ALG10B: variants seen among roughly 807,000 people sequenced by gnomAD.
ALG10B encodes ALG10 alpha-1,2-glucosyltransferase B, also known as dol-P-Glc:Glc(2)Man(9)GlcNAc(2)-PP-Dol alpha-1,2-glucosyltransferase B.
In ALG10B, 27 loss-of-function variants were observed where a neutral mutation model predicts 38.7. The ratio of observed to expected loss-of-function variants is 0.70; its 90% CI spans 0.51 to 0.96. The LOEUF (loss-of-function observed/expected upper bound fraction) is 0.96, where lower values mean the gene tolerates loss of function less well. ALG10B is among the 40% of genes least tolerant of loss of function. The pLI, the probability that ALG10B is intolerant of heterozygous loss-of-function variation, is 0.00. For missense variants in ALG10B, 522 were observed against 542.7 expected (o/e 0.96, Z 0.38); for synonymous variants, 177 against 193.3 (o/e 0.92, Z 0.70).
rs1214042455 is a variant in ALG10B at position 38,327,214 on chromosome 12, C to G, written c.*6001C>G. 4.0e-5 allele frequency: 6 copies of G among 151,024 alleles called. No individual in the cohort carries two copies. The highest frequency in any genetic ancestry group is 3.3e-4 in the Admixed American group (5 of 15,186). 9.4% of individuals were successfully genotyped at this position (151,024 alleles called of 1,614,324 possible). On this transcript the variant is annotated 3_prime_UTR_variant, in exon 3 of 3. Transcript: ENST00000308742. ...GCCTCAAGTGATCCTCCCACCTTGG[C>G]CTCCCAAAGTGCTAGGATTTACAAT...
Position 38,316,827 on chromosome 12 carries a change from C to A in ALG10B, c.-67C>A. 6.2e-7 allele frequency: 1 copy of A among 1,613,008 alleles called. No homozygotes were observed. Among genetic ancestry groups the A allele is most frequent in the Admixed American group, 1.7e-5 (1 of 60,016 alleles). On this transcript the variant is annotated 5_prime_UTR_variant, in exon 1 of 3. Transcript: ENST00000308742. ...CGCGCCCATTTCGAGCCCAAGTTTCCAGCTCGGGTTTCCGGGCTCAGAATT... is the reference window on the plus strand; with the variant it reads ...CGCGCCCATTTCGAGCCCAAGTTTCAAGCTCGGGTTTCCGGGCTCAGAATT...
rs775178812 is a variant in ALG10B, at chr12:38,320,911, G to T, written c.1120G>T (p.Val374Phe). ...ATATGCAATTCTGAAATATTTGTTA[G>T]TTCCAGCCTATATATTTGCTGGTTG... is the stretch of plus-strand genomic sequence containing the variant. ...QRYAILKYLL[V>F]PAYIFAGWSI... The change falls in exon 3 of 3, where the codon GTT (valine) becomes TTT (phenylalanine). Residue 374 changes from valine (V) to phenylalanine (F), a missense_variant. By Grantham distance (50) the Val-to-Phe change is conservative. Coordinates refer to ENST00000308742, the MANE Select transcript of ALG10B (RefSeq NM_001013620.4). 5 of 1,613,638 alleles carry T rather than the reference G, an allele frequency of 3.1e-6. No homozygotes were observed. The highest frequency in any genetic ancestry group is 4.2e-6 in the Non-Finnish European group (5 of 1,179,864).
Position 38,323,760 on chromosome 12 carries a change from G to C in ALG10B, c.*2547G>C, listed in dbSNP as rs894485815. 1.6e-6 allele frequency: 1 copy of C among 615,250 alleles called. No individual in the cohort carries two copies. The highest frequency in any genetic ancestry group is 1.8e-5 in the African/African-American group (1 of 54,124). The allele number at this position is 615,250 out of a possible 1,614,324, so 38.1% of individuals were successfully genotyped here. A position where few individuals can be genotyped will look rare whatever the true frequency, so the allele number is the denominator to read the frequency against. ...TTTTACCCAGACTTCTTAAAAATTAGATGAGAGAGGACACTCAAAGAAATT... is the reference window on the plus strand; with the variant it reads ...TTTTACCCAGACTTCTTAAAAATTACATGAGAGAGGACACTCAAAGAAATT... On this transcript the variant is annotated 3_prime_UTR_variant, in exon 3 of 3. Coordinates refer to ENST00000308742, the MANE Select transcript of ALG10B (RefSeq NM_001013620.4).
rs1297001069 is a variant in ALG10B, at chr12:38,318,435, C to T, written c.346C>T (p.His116Tyr). 1.9e-6 allele frequency: 3 copies of T among 1,613,946 alleles called. No individual in the cohort carries two copies. The highest frequency in any genetic ancestry group is 2.2e-5 in the East Asian group (1 of 44,882). ...GNFYLLYLLF[H>Y]KVQPRNKAAS... is the part of the protein sequence containing the mutation. ...CTTCTATTTACTATATTTGCTTTTC[C>T]ACAAGGTACAACCCAGAAACAAGGT... Residue 116 changes from histidine (H) to tyrosine (Y), a missense_variant, in exon 2 of 3, where the codon CAC becomes TAC. Physicochemically the swap from His to Tyr is moderately conservative, Grantham distance 83. Coordinates refer to ENST00000308742, the MANE Select transcript of ALG10B (RefSeq NM_001013620.4).
intron 1 of ALG10B, chr12:38,317,401 T>C (rs2387843): frequency 0.59 from 191,551 of 324,016 alleles, 59,040 homozygotes; most frequent in East Asian, 0.85. Context: ...CTTGGAAATA[T>C]CAGAAAACTT....
rs6582584 is a variant in ALG10B, at chr12:38,318,340, C to G, written c.251C>G (p.Ala84Gly). Residue 84 changes from alanine (A) to glycine (G), a missense_variant, in exon 2 of 3, where the codon GCA becomes GGA. By Grantham distance (60) the Ala-to-Gly change is moderately conservative (BLOSUM62 0). Coordinates refer to ENST00000308742, the MANE Select transcript of ALG10B (RefSeq NM_001013620.4). ...GTCAAACCTGCCATTTGGATCTTTG[C>G]ATGGTCTGAACATGTTGTCTGCTCC... ...GVVKPAIWIFAWSEHVVCSIG... is the reference protein window; with the variant it reads ...GVVKPAIWIFGWSEHVVCSIG... The G allele has an allele frequency of 0.99, 1,590,419 of 1,614,152 alleles. 783,743 individuals are homozygous for G. The highest frequency in any genetic ancestry group is 1 in the East Asian group (44,874 of 44,874).
rs1591939412 is a variant in ALG10B, at chr12:38,323,671, G to A, written c.*2458G>A. ...AGTAATAAATGCAGGCCATTTTTTG[G>A]TTGTACTCTAGTACTCAGAAAATAG... On this transcript the variant is annotated 3_prime_UTR_variant, in exon 3 of 3. Coordinates refer to ENST00000308742, the MANE Select transcript of ALG10B (RefSeq NM_001013620.4). 1 of 462,296 alleles carries A rather than the reference G, an allele frequency of 2.2e-6. No individual in the cohort carries two copies. The highest frequency in any genetic ancestry group is 3.6e-5 in the South Asian group (1 of 27,598). 28.6% of individuals were successfully genotyped at this position (462,296 alleles called of 1,614,324 possible).
chr12:38,316,913 A>C lies in ALG10B; in HGVS notation c.20A>C (p.Tyr7Ser). 2 of 1,613,984 alleles carry C rather than the reference A, an allele frequency of 1.2e-6. No homozygotes were observed. The highest frequency in any genetic ancestry group is 1.7e-6 in the Non-Finnish European group (2 of 1,179,994). MAQLEG[Y>S]CFSAALSCTF... is the part of the protein sequence containing the mutation. Reference sequence around the variant, plus strand: ...GCAGGAATGGCGCAGCTAGAGGGTTACTGTTTCTCGGCCGCCTTGAGCTGT... The same window carrying C: ...GCAGGAATGGCGCAGCTAGAGGGTTCCTGTTTCTCGGCCGCCTTGAGCTGT... Residue 7 changes from tyrosine to serine, a missense_variant, in exon 1 of 3, where the codon TAC (tyrosine) becomes TCC (serine). Coordinates refer to ENST00000308742, the MANE Select transcript of ALG10B (RefSeq NM_001013620.4).
Position 38,329,026 on chromosome 12 carries a change from T to G in ALG10B, c.*7813T>G, listed in dbSNP as rs1398893728. The G allele has an allele frequency of 5.1e-6, 2 of 393,498 alleles. No individual in the cohort carries two copies. Among genetic ancestry groups the G allele is most frequent in the Admixed American group, 8.9e-5 (2 of 22,596 alleles). 24.4% of individuals were successfully genotyped at this position (393,498 alleles called of 1,614,324 possible). ...GGGATTCGTAACCAGGCAGCCTGAC[T>G]CCAAAATCAATATTCTTAACTCTAT... On this transcript the variant is annotated 3_prime_UTR_variant, in exon 3 of 3. Coordinates refer to ENST00000308742, the MANE Select transcript of ALG10B (RefSeq NM_001013620.4).
At chr12:38,319,567 A>G (rs1224405333) in intron 2 of ALG10B, among the ~76,000 whole-genome samples, 3 of 152,250 alleles carry the variant, frequency 2.0e-5, no homozygotes, top group African/African-American at 7.2e-5. Context: ...ATTCTGAAAT[A>G]GCATGTCAGA....
chr12:38,322,693 T>C lies in ALG10B; in HGVS notation c.*1480T>C, dbSNP rs1288957519. The C allele has an allele frequency of 6.6e-6, 1 of 152,192 alleles. No homozygotes were observed. The allele number at this position is 152,192 out of a possible 1,614,324, so 9.4% of individuals were successfully genotyped here. The stretch of plus-strand genomic sequence containing the variant: ...TAGCTGTATTCACCATGTTGTGTAA[T>C]AGATCTAAAAAAAGTCAAACATATT... On this transcript the variant is annotated 3_prime_UTR_variant, in exon 3 of 3. Transcript: ENST00000308742.
Position 38,320,777 on chromosome 12 carries a change from T to C in ALG10B, c.986T>C (p.Val329Ala), listed in dbSNP as rs1296796933. ...AAACATGGAATTCTGTTTTTGGTGG[T>C]TACCTTAGTCTCTGTGTTTTTAGTT... ...VWKHGILFLV[V>A]TLVSVFLVWK... The change falls in exon 3 of 3, where the codon GTT becomes GCT. Residue 329 changes from valine (V) to alanine (A), a missense_variant. By Grantham distance (64) the Val-to-Ala change is moderately conservative. Transcript: ENST00000308742. 6.2e-7 allele frequency: 1 copy of C among 1,613,970 alleles called. No individual in the cohort carries two copies. The highest frequency in any genetic ancestry group is 1.3e-5 in the African/African-American group (1 of 75,058).
chr12:38,320,705 A>G lies in ALG10B; in HGVS notation c.914A>G (p.His305Arg), dbSNP rs1945695507. Residue 305 changes from histidine to arginine, a missense_variant, in exon 3 of 3, where the codon CAT becomes CGT. His to Arg is a conservative substitution (Grantham distance 29). Transcript: ENST00000308742. ...TTTACTCTCTTTTTTTCTTTTCCTC[A>G]TCTCCTGTCTCCTAGCAAAATTAAG... is the stretch of plus-strand genomic sequence containing the variant. ...FSFTLFFSFP[H>R]LLSPSKIKTF... 1 of 1,612,834 alleles carries G rather than the reference A, an allele frequency of 6.2e-7. No individual in the cohort carries two copies. The highest frequency in any genetic ancestry group is 8.5e-7 in the Non-Finnish European group (1 of 1,179,722).
chr12:38,325,257 TAG>T lies in ALG10B; in HGVS notation c.*4047_*4048del, dbSNP rs1476189189. The T allele has an allele frequency of 2.0e-5, 3 of 152,220 alleles. No homozygotes were observed. Among genetic ancestry groups the T allele is most frequent in the Non-Finnish European group, 4.4e-5 (3 of 68,016 alleles). The allele number at this position is 152,220 out of a possible 1,614,324, so 9.4% of individuals were successfully genotyped here. On this transcript the variant is annotated 3_prime_UTR_variant, in exon 3 of 3. Coordinates refer to ENST00000308742, the MANE Select transcript of ALG10B (RefSeq NM_001013620.4). ...CTGTCTGGCCTTTTCTTTGTCTTCT[TAG>T]AGTTATTTCTGAAATGTGCATAGCC...
At position 38,320,187 on chromosome 12, in the gene ALG10B, G is replaced by A. The variant is rs142922702; in HGVS notation, c.396G>A (p.Leu132=). 2.4e-5 allele frequency: 39 copies of A among 1,613,842 alleles called. No homozygotes were observed. In the African/African-American group the frequency reaches 4.5e-4, roughly 19 times the overall value. Residue 132 remains leucine, a synonymous_variant, in exon 3 of 3, where the codon TTG becomes TTA. Transcript: ENST00000308742. The part of the protein sequence containing the change: ...NKAASSIQRV[L]STLTLAVFPT... ...CTGCCTCAAGTATCCAGAGAGTCTT[G>A]TCAACATTAACACTAGCAGTATTTC...
At position 38,320,398 on chromosome 12, in the gene ALG10B, C is replaced by G. The variant is rs1565604145; in HGVS notation, c.607C>G (p.Gln203Glu). 2.5e-6 allele frequency: 4 copies of G among 1,613,916 alleles called. No individual in the cohort carries two copies. The highest frequency in any genetic ancestry group is 3.4e-6 in the Non-Finnish European group (4 of 1,179,970). ...AVFCAGNVIA[Q>E]KLTEAWKTEL... ...CTTCTGTGCAGGGAATGTCATTGCA[C>G]AAAAGTTAACTGAGGCTTGGAAAAC... Residue 203 changes from glutamine to glutamate, a missense_variant, in exon 3 of 3, where the codon CAA becomes GAA. Transcript: ENST00000308742.
Position 38,329,285 on chromosome 12 carries a change from A to T in ALG10B, c.*8072A>T, listed in dbSNP as rs1307558246. 5.9e-6 allele frequency: 2 copies of T among 338,500 alleles called. No homozygotes were observed. Among genetic ancestry groups the T allele is most frequent in the Non-Finnish European group, 9.7e-6 (2 of 207,006 alleles). 21.0% of individuals were successfully genotyped at this position (338,500 alleles called of 1,614,324 possible). A position where few individuals can be genotyped will look rare whatever the true frequency, so the allele number is the denominator to read the frequency against. ...ATATGTTGTAATTATGAATTTAAGG[A>T]AGTAAAAAAATAACTCAGGGCTGGA... On this transcript the variant is annotated 3_prime_UTR_variant, in exon 3 of 3. Transcript: ENST00000308742.
chr12:38,323,619 G>A lies in ALG10B; in HGVS notation c.*2406G>A. The A allele has an allele frequency of 2.8e-6, 1 of 351,652 alleles. No individual in the cohort carries two copies. The highest frequency in any genetic ancestry group is 5.2e-6 in the Non-Finnish European group (1 of 193,000). 21.8% of individuals were successfully genotyped at this position (351,652 alleles called of 1,614,324 possible). On this transcript the variant is annotated 3_prime_UTR_variant, in exon 3 of 3. Transcript: ENST00000308742. ...TACATTTACAAATATAAAATTGTGT[G>A]CAGGTGAAAATTACAAGTATAATTT...
rs1298716092 is a variant in ALG10B at position 38,325,242 on chromosome 12, TTTTC to T, written c.*4033_*4036del. ...GATAAATTATTTTAGCTGTCTGGCC[TTTTC>T]TTTGTCTTCTTAGAGTTATTTCTGA... On this transcript the variant is annotated 3_prime_UTR_variant, in exon 3 of 3. Transcript: ENST00000308742. The T allele has an allele frequency of 2.0e-5, 3 of 152,214 alleles. No homozygotes were observed. Among genetic ancestry groups the T allele is most frequent in the African/African-American group, 7.2e-5 (3 of 41,464 alleles). 9.4% of individuals were successfully genotyped at this position (152,214 alleles called of 1,614,324 possible).
Sources: allele counts gnomAD v4.1 joint callset (sites outside exome capture counted in the v4.1 genomes callset), GRCh38; gene constraint gnomAD v4.1.1; transcripts MANE v1.5; gene names NCBI Gene and HGNC (gene_info 2026-07-23, HGNC 2026-07-21).